BAZ2B: variants seen among roughly 807,000 people sequenced by gnomAD.
The protein encoded by BAZ2B is bromodomain adjacent to zinc finger domain 2B, also known as bromodomain adjacent to zinc finger domain protein 2B.
Under a neutral mutation model 246.0 loss-of-function variants are expected in BAZ2B, and 91 were observed. That is an observed-to-expected ratio of 0.37 (90% CI 0.31 to 0.44). The LOEUF (loss-of-function observed/expected upper bound fraction) is 0.44. Among genes scored for constraint, BAZ2B ranks in the 20% least tolerant of loss-of-function variants. The pLI, the probability that BAZ2B is intolerant of heterozygous loss-of-function variation, is 1.00. For missense variants in BAZ2B, 2,332 were observed against 2,533.7 expected (o/e 0.92, Z 1.71); for synonymous variants, 855 against 860.0 (o/e 0.99, Z 0.10).
rs140986875 is a variant in BAZ2B at position 159,350,281 on chromosome 2, C to T, written c.4290G>A (p.Glu1430=). Reference sequence around the variant, plus strand: ...AACAATTTAAACTGTCCCCAGAAGTCTCAAACATTTCTTCTTTGATCTGGA... The same window carrying T: ...AACAATTTAAACTGTCCCCAGAAGTTTCAAACATTTCTTCTTTGATCTGGA... ...ESVQIKEEMF[E]TSGDSLNCSN... The change falls in exon 28 of 37, where the codon GAG becomes GAA. Residue 1430 remains glutamate, a synonymous_variant. Transcript: ENST00000392783. 6.2e-7 allele frequency: 1 copy of T among 1,609,322 alleles called. No homozygotes were observed. The highest frequency in any genetic ancestry group is 1.3e-5 in the African/African-American group (1 of 74,824).
chr2:159,419,474 G>GATT (rs2068347756), intron 13 of BAZ2B, among the ~76,000 whole-genome samples: 2 of 152,172 alleles, frequency 1.3e-5, no homozygotes, highest in Admixed American at 1.3e-4. Flanking sequence ...AAGGGTGATA[G>GATT]ATTATCAACT....
intron 2 of BAZ2B, among the ~76,000 whole-genome samples, chr2:159,534,297 C>A (rs774085433): frequency 1.3e-5 from 2 of 152,156 alleles, no homozygotes; most frequent in African/African-American, 2.4e-5. Context: ...AGTGTACTTA[C>A]GTGAACCTAG....
chr2:159,339,123 T>G (rs977622715), intron 31 of BAZ2B, among the ~76,000 whole-genome samples: 2 of 152,138 alleles, frequency 1.3e-5, no homozygotes, highest in African/African-American at 4.8e-5. Context: ...TTTAACTCAG[T>G]AGAATATTTA....
At chr2:159,349,432 T>C (rs2058328412) in intron 28 of BAZ2B, 152 bp from the exon 29 acceptor site, 1 of 933,268 alleles carries the variant, frequency 1.1e-6, no homozygotes, top group Non-Finnish European at 1.5e-6. Context: ...AACAAAAATG[T>C]TAAATTCCAT....
intron 20 of BAZ2B, among the ~76,000 whole-genome samples, chr2:159,393,552 C>T (rs2063597841): frequency 6.6e-6 from 1 of 152,118 alleles, no homozygotes; most frequent in Non-Finnish European, 1.5e-5. Flanking sequence ...GCTCTTCTCC[C>T]TTTATCTGCT....
chr2:159,630,650 C>T, the BAZ2B span, among the ~76,000 whole-genome samples: 1 of 151,914 alleles, frequency 6.6e-6, no homozygotes, highest in East Asian at 1.9e-4. Context: ...TCTCCTGCCT[C>T]AGCCTCCCGA....
the BAZ2B span, among the ~76,000 whole-genome samples, chr2:159,634,576 C>T: frequency 6.6e-6 from 1 of 152,194 alleles, no homozygotes; most frequent in Admixed American, 6.5e-5. Context: ...TTGATTTTTG[C>T]CTTCACTATA....
chr2:159,627,971 T>C, the BAZ2B span, among the ~76,000 whole-genome samples: 2 of 152,190 alleles, frequency 1.3e-5, no homozygotes, highest in Admixed American at 1.3e-4. Context: ...TTTAGCAAAG[T>C]CTGAGGATAC....
chr2:159,551,892 T>C (rs1287554402), intron 2 of BAZ2B, among the ~76,000 whole-genome samples: 1 of 152,208 alleles, frequency 6.6e-6, no homozygotes, highest in African/African-American at 2.4e-5. Context: ...AAGTGCTTTA[T>C]GAGCAATGTT....
At chr2:159,370,999 G>A (rs996802855) in intron 27 of BAZ2B, among the ~76,000 whole-genome samples, 6 of 151,890 alleles carry the variant, frequency 4.0e-5, no homozygotes, top group African/African-American at 9.7e-5. Context: ...GTAGAGATGC[G>A]GTTTCTCCAT....
In BAZ2B at chr2:159,337,714, T is replaced by A. The variant is rs1367795410; in HGVS notation, c.5513A>T (p.Lys1838Ile). 6.2e-7 allele frequency: 1 copy of A among 1,614,034 alleles called. No individual in the cohort carries two copies. Among genetic ancestry groups the A allele is most frequent in the Non-Finnish European group, 8.5e-7 (1 of 1,180,016 alleles). ...EREDLVYFEH[K>I]SFTKLCKEHD... ...CTCCTTGCACAATTTAGTAAATGAT[T>A]TATGTTCAAAATATACCAAGTCCTC... The change falls in exon 32 of 37, where the codon AAA becomes ATA. Residue 1838 changes from lysine to isoleucine, a missense_variant. Physicochemically the swap from Lys to Ile is moderately radical, Grantham distance 102. Around this residue, in one of 9 missense-constraint regions of BAZ2B, gnomAD observed 676 missense variants for 668.6 expected, o/e 1.01. Coordinates refer to ENST00000392783, the MANE Select transcript of BAZ2B (RefSeq NM_013450.4).
chr2:159,351,052 TATA>T (rs779603169), intron 27 of BAZ2B, among the ~76,000 whole-genome samples: 5 of 151,794 alleles, frequency 3.3e-5, no homozygotes, highest in East Asian at 3.9e-4. Context: ...AAACTTAAAG[TATA>T]ATAATAATAA....
At chr2:159,568,882 C>T (rs1461283625) in intron 1 of BAZ2B, among the ~76,000 whole-genome samples, 1 of 152,166 alleles carries the variant, frequency 6.6e-6, no homozygotes, top group African/African-American at 2.4e-5. Context: ...ACCTGAATAT[C>T]TAAATTTGAT....
chr2:159,598,648 G>A (rs1163189950), intron 1 of BAZ2B, among the ~76,000 whole-genome samples: 1 of 151,930 alleles, frequency 6.6e-6, no homozygotes, highest in Non-Finnish European at 1.5e-5. Flanking sequence ...AGGAGTTTGA[G>A]ACCAGCCCGG....
At chr2:159,656,086 GTTTA>G in the BAZ2B span, among the ~76,000 whole-genome samples, 1 of 151,838 alleles carries the variant, frequency 6.6e-6, no homozygotes, top group African/African-American at 2.4e-5. Flanking sequence ...TGAAAGTTTT[GTTTA>G]TTTATTTTTA....
chr2:159,551,606 C>T (rs181681324), intron 2 of BAZ2B, among the ~76,000 whole-genome samples: 2 of 151,712 alleles, frequency 1.3e-5, no homozygotes, highest in African/African-American at 4.8e-5. Context: ...CATGTAAATG[C>T]AACTGCAAAA....
chr2:159,589,503 AT>A lies in BAZ2B; in HGVS notation c.-46+26738del, dbSNP rs529436206. Among the ~76,000 whole-genome samples, 429 of 152,340 alleles carry A rather than the reference AT, an allele frequency of 2.8e-3. 1 individual carries two copies. Among genetic ancestry groups the A allele is most frequent in the Admixed American group, 5.8e-3 (89 of 15,300 alleles). ...AAAAATGATGATCTCAGCCAAAAAA[AT>A]AACTATAAATTTAAGAAGAAACTAT... On this transcript the variant is annotated intron_variant, in intron 1 of 36. Transcript: ENST00000392783.
intron 25 of BAZ2B, among the ~76,000 whole-genome samples, chr2:159,376,729 G>A (rs144559533): frequency 1.2e-4 from 18 of 152,230 alleles, no homozygotes; most frequent in African/African-American, 4.3e-4. Flanking sequence ...AAAATGCCAT[G>A]TATCAGCCAA....
At chr2:159,703,406 T>C in the BAZ2B span, among the ~76,000 whole-genome samples, 2 of 152,068 alleles carry the variant, frequency 1.3e-5, no homozygotes, top group African/African-American at 4.8e-5. Context: ...GGCTTTCCAT[T>C]TAAGTAACTA....
Sources: allele counts gnomAD v4.1 joint callset (sites outside exome capture counted in the v4.1 genomes callset), GRCh38; gene constraint gnomAD v4.1.1; regional missense constraint gnomAD v4.1.1; transcripts MANE v1.5; gene names NCBI Gene and HGNC (gene_info 2026-07-23, HGNC 2026-07-21).